The following CNTN5 variants were observed in gnomAD, a reference collection of about 807,000 sequenced individuals.
The protein encoded by CNTN5 is contactin-5.
A neutral mutation model predicts 129.1 loss-of-function variants in CNTN5; 77 were observed. That is an observed-to-expected ratio of 0.60 (90% CI 0.50 to 0.72). The LOEUF (loss-of-function observed/expected upper bound fraction) is 0.72. CNTN5 is among the 30% of genes least tolerant of loss of function. The probability of loss-of-function intolerance (pLI) is 0.00; values close to 1 mark genes in which losing one functional copy is unlikely to be tolerated. For missense variants in CNTN5, 1,478 were observed against 1,328.8 expected (o/e 1.11, Z -1.75); for synonymous variants, 509 against 465.6 (o/e 1.09, Z -1.20).
At chr11:99,392,655 A>G (rs1049019769) in intron 2 of CNTN5, among the ~76,000 whole-genome samples, 1 of 151,918 alleles carries the variant, frequency 6.6e-6, no homozygotes, top group Non-Finnish European at 1.5e-5. Context: ...GTGTTTTCTC[A>G]TAATATATCA....
In CNTN5 at chr11:99,611,584, T is replaced by C. The variant is rs115328191; in HGVS notation, c.55+55315T>C. On this transcript the variant is annotated intron_variant, in intron 3 of 24. Transcript: ENST00000524871. ...AAATGGATTTGTGTTCAATTTAAAG[T>C]AAACTATATTTAAATCAGTAGTCCT... 6.2e-3 allele frequency among the ~76,000 whole-genome samples: 950 copies of C among 152,292 alleles called. 15 individuals are homozygous for C. The highest frequency in any genetic ancestry group is 0.022 in the African/African-American group (909 of 41,576).
chr11:99,090,857 C>A (rs1176591332), intron 1 of CNTN5, among the ~76,000 whole-genome samples: 1 of 151,394 alleles, frequency 6.6e-6, no homozygotes, highest in Non-Finnish European at 1.5e-5. Context: ...CCCGTCTCTA[C>A]TAAAAATACA....
chr11:99,864,125 G>A (rs1175542304), intron 6 of CNTN5, among the ~76,000 whole-genome samples: 1 of 152,126 alleles, frequency 6.6e-6, no homozygotes, highest in Non-Finnish European at 1.5e-5. Flanking sequence ...ATATATAATA[G>A]TATGAAAATG....
chr11:99,741,176 CATT>C (rs563610091), intron 3 of CNTN5, among the ~76,000 whole-genome samples: 27 of 152,212 alleles, frequency 1.8e-4, no homozygotes, highest in African/African-American at 5.5e-4. Flanking sequence ...TATCATATAA[CATT>C]GTTTAAATTA....
chr11:100,179,078 A>T (rs535288199), intron 13 of CNTN5, among the ~76,000 whole-genome samples: 2 of 152,246 alleles, frequency 1.3e-5, no homozygotes, highest in African/African-American at 4.8e-5. Context: ...GAACATTCCA[A>T]TTGTACTCCC....
chr11:99,617,761 A>G (rs1041127626), intron 3 of CNTN5, among the ~76,000 whole-genome samples: 1 of 152,194 alleles, frequency 6.6e-6, no homozygotes, highest in African/African-American at 2.4e-5. Flanking sequence ...ATAAATGTAT[A>G]AAATGAAACC....
intron 2 of CNTN5, among the ~76,000 whole-genome samples, chr11:99,518,873 A>T (rs1164707716): frequency 6.6e-6 from 1 of 152,018 alleles, no homozygotes; most frequent in African/African-American, 2.4e-5. Flanking sequence ...TATTTCACCT[A>T]TACTGTGAAT....
intron 1 of CNTN5, among the ~76,000 whole-genome samples, chr11:99,294,935 C>T (rs12577504): frequency 0.1 from 15,632 of 152,000 alleles, 1,569 homozygotes; most frequent in East Asian, 0.45. Context: ...AGATTGTGAC[C>T]GTAACTTAGG....
chr11:99,858,015 C>T (rs556791899), intron 6 of CNTN5, among the ~76,000 whole-genome samples: 116 of 152,056 alleles, frequency 7.6e-4, no homozygotes, highest in African/African-American at 2.7e-3. Context: ...TACCCAGTGC[C>T]ACTGCCATAA....
intron 2 of CNTN5, among the ~76,000 whole-genome samples, chr11:99,499,485 G>A (rs12418134): frequency 0.21 from 31,327 of 152,020 alleles, 3,559 homozygotes; most frequent in East Asian, 0.4. Context: ...CCGGACAACT[G>A]AACCTGCTGG....
chr11:99,960,084 G>T (rs80032803), intron 8 of CNTN5, among the ~76,000 whole-genome samples: 2 of 152,078 alleles, frequency 1.3e-5, no homozygotes, highest in South Asian at 4.2e-4. Context: ...GTTCCATAAG[G>T]TTCTCATAAA....
chr11:99,812,688 T>G (rs1326056775), intron 3 of CNTN5, among the ~76,000 whole-genome samples: 1 of 152,122 alleles, frequency 6.6e-6, no homozygotes, highest in Non-Finnish European at 1.5e-5. Flanking sequence ...CATCTGACTT[T>G]GGAACCTCTA....
At chr11:99,902,013 A>T in intron 6 of CNTN5, among the ~76,000 whole-genome samples, 1 of 152,292 alleles carries the variant, frequency 6.6e-6, no homozygotes, top group South Asian at 2.1e-4. Flanking sequence ...TAATAAGTGG[A>T]AGAGATGTAA....
intron 2 of CNTN5, among the ~76,000 whole-genome samples, chr11:99,397,912 G>A (rs1340573828): frequency 6.6e-6 from 1 of 151,778 alleles, no homozygotes; most frequent in Non-Finnish European, 1.5e-5. Flanking sequence ...GAGATCAAGG[G>A]AATATATGAG....
intron 1 of CNTN5, among the ~76,000 whole-genome samples, chr11:99,030,780 C>CTTTTTTTTTTTTT (rs71305325): frequency 1.7e-5 from 2 of 120,246 alleles, no homozygotes; most frequent in Non-Finnish European, 3.3e-5. Context: ...TGCTAACTCT[C>CTTTTTTTTTTTTT]TTTTTTTTTT....
chr11:99,404,199 G>T (rs544932359), intron 2 of CNTN5, among the ~76,000 whole-genome samples: 3 of 151,094 alleles, frequency 2.0e-5, no homozygotes, highest in East Asian at 1.9e-4. Flanking sequence ...GGTTTCTATT[G>T]TCATGGAATT....
chr11:99,689,530 G>GAAAAAAAA (rs368912453), intron 3 of CNTN5, among the ~76,000 whole-genome samples: 7 of 92,898 alleles, frequency 7.5e-5, no homozygotes, highest in Admixed American at 1.6e-4. Context: ...CCTCAAAAAA[G>GAAAAAAAA]AAAAAAAAAA....
intron 1 of CNTN5, among the ~76,000 whole-genome samples, chr11:99,122,732 G>A (rs1858409119): frequency 6.6e-6 from 1 of 151,986 alleles, no homozygotes; most frequent in African/African-American, 2.4e-5. Context: ...AGGCTGCAAT[G>A]TCTTTTGTTC....
intron 1 of CNTN5, among the ~76,000 whole-genome samples, chr11:99,138,094 A>T (rs1859325918): frequency 6.6e-6 from 1 of 152,162 alleles, no homozygotes. Context: ...TTTAGGTCAG[A>T]TATTTTATTT....
Sources: allele counts gnomAD v4.1 joint callset (sites outside exome capture counted in the v4.1 genomes callset), GRCh38; gene constraint gnomAD v4.1.1; transcripts MANE v1.5; gene names NCBI Gene and HGNC (gene_info 2026-07-23, HGNC 2026-07-21).